The following PDE1C variants were observed in gnomAD, a reference collection of about 807,000 sequenced individuals.
PDE1C encodes dual specificity calcium/calmodulin-dependent 3',5'-cyclic nucleotide phosphodiesterase 1C.
In PDE1C, 62 loss-of-function variants were observed where a neutral mutation model predicts 93.1. The ratio of observed to expected loss-of-function variants is 0.67; its 90% confidence interval spans 0.54 to 0.82. The LOEUF is 0.82. PDE1C is among the 40% of genes least tolerant of loss of function. The pLI, the probability that PDE1C is intolerant of heterozygous loss-of-function variation, is 0.00. For synonymous variants in PDE1C, 325 were observed against 310.1 expected (o/e 1.05, Z -0.50); for missense variants, 742 against 884.6 (o/e 0.84, Z 2.04).
chr7:32,153,670 G>T (rs540536822), intron 3 of PDE1C, among the ~76,000 whole-genome samples: 1 of 152,320 alleles, frequency 6.6e-6, no homozygotes, highest in African/African-American at 2.4e-5. Flanking sequence ...ATGTCAATCA[G>T]AAATCTGAAC....
intron 2 of PDE1C, among the ~76,000 whole-genome samples, chr7:32,183,978 GTGGGCAAAGGATA>G (rs941811536): frequency 6.6e-6 from 1 of 152,152 alleles, no homozygotes; most frequent in African/African-American, 2.4e-5. Context: ...CCATCAAAAA[GTGGGCAAAGGATA>G]TGAACAGACA....
At chr7:32,309,804 T>G (rs1239507800) in intron 1 of PDE1C, among the ~76,000 whole-genome samples, 1 of 152,052 alleles carries the variant, frequency 6.6e-6, no homozygotes, top group African/African-American at 2.4e-5. Flanking sequence ...CATGCCAAAA[T>G]GTAAAGACCA....
At chr7:32,329,254 C>T (rs535715819) in intron 1 of PDE1C, among the ~76,000 whole-genome samples, 2 of 152,020 alleles carry the variant, frequency 1.3e-5, no homozygotes, top group African/African-American at 2.4e-5. Flanking sequence ...GTATCTCTCT[C>T]GGGGAGACCT....
At chr7:31,641,687 T>C in the PDE1C span, among the ~76,000 whole-genome samples, 1 of 152,186 alleles carries the variant, frequency 6.6e-6, no homozygotes, top group African/African-American at 2.4e-5. Context: ...AGAGCAGTGA[T>C]CTAAAACATG....
intron 7 of PDE1C, among the ~76,000 whole-genome samples, chr7:31,857,938 T>C (rs888397266): frequency 1.3e-5 from 2 of 152,130 alleles, no homozygotes; most frequent in African/African-American, 4.8e-5. Flanking sequence ...ATTAAAAATA[T>C]TGCTAACTAA....
chr7:32,203,602 A>G (rs1289534908), intron 2 of PDE1C, among the ~76,000 whole-genome samples: 2 of 149,948 alleles, frequency 1.3e-5, no homozygotes, highest in African/African-American at 5.1e-5. Context: ...CTGGATTCTT[A>G]ATTAATCTCT....
the PDE1C span, chr7:31,692,309 C>G: frequency 1.4e-6 from 1 of 704,544 alleles, no homozygotes; most frequent in Non-Finnish European, 2.4e-6. Context: ...ATTGGGAACA[C>G]AATAGCAGGT....
At chr7:32,298,771 C>G (rs1812790493) in exon 1 of PDE1C, 4 of 1,558,464 alleles carry the variant, frequency 2.6e-6, no homozygotes, top group Non-Finnish European at 2.6e-6. Context: ...CGCAGCGAGA[C>G]CAGCGGCGTC....
At chr7:31,644,544 G>T in the PDE1C span, among the ~76,000 whole-genome samples, 1 of 152,148 alleles carries the variant, frequency 6.6e-6, no homozygotes, top group Non-Finnish European at 1.5e-5. Context: ...TTCAGGTCTT[G>T]AACTTAGAGC....
chr7:31,673,410 T>G, the PDE1C span, among the ~76,000 whole-genome samples: 1 of 152,018 alleles, frequency 6.6e-6, no homozygotes, highest in Non-Finnish European at 1.5e-5. Context: ...CTATTTTCAG[T>G]CTCTTAGAAG....
At chr7:32,027,284 A>G (rs1231554360) in intron 2 of PDE1C, among the ~76,000 whole-genome samples, 1 of 152,048 alleles carries the variant, frequency 6.6e-6, no homozygotes, top group Non-Finnish European at 1.5e-5. Context: ...TTATGGAAAA[A>G]TATCTGTACC....
chr7:31,820,950 C>T (rs950969373), intron 14 of PDE1C: 1 of 150,362 alleles, frequency 6.7e-6, no homozygotes, highest in Non-Finnish European at 1.5e-5. Flanking sequence ...ATTATCATCC[C>T]CAAAGTGAGT....
chr7:32,127,775 C>T (rs184713090), intron 3 of PDE1C, among the ~76,000 whole-genome samples: 3 of 151,880 alleles, frequency 2.0e-5, no homozygotes, highest in Admixed American at 6.6e-5. Flanking sequence ...GACTGTGACA[C>T]TCAATATTGT....
chr7:31,913,560 G>C (rs535338238), intron 2 of PDE1C, among the ~76,000 whole-genome samples: 51 of 152,246 alleles, frequency 3.3e-4, no homozygotes, highest in African/African-American at 1.2e-3. Context: ...TGTGATGATG[G>C]AAAAACTTAG....
the PDE1C span, among the ~76,000 whole-genome samples, chr7:31,693,657 T>C: frequency 6.6e-6 from 1 of 152,158 alleles, no homozygotes; most frequent in Admixed American, 6.5e-5. Flanking sequence ...AGCATAGGCA[T>C]TGAAAAATCA....
chr7:31,994,160 G>A (rs1392530371), intron 2 of PDE1C, among the ~76,000 whole-genome samples: 1 of 152,060 alleles, frequency 6.6e-6, no homozygotes, highest in Non-Finnish European at 1.5e-5. Context: ...CACAATGTGT[G>A]GTAGAAAGGG....
chr7:31,772,162 A>G (rs1408056222), intron 17 of PDE1C, among the ~76,000 whole-genome samples: 1 of 152,092 alleles, frequency 6.6e-6, no homozygotes, highest in Non-Finnish European at 1.5e-5. Context: ...GAGCCTTATA[A>G]TGGCACTTTA....
At chr7:32,236,513 T>C (rs1268546025) in intron 1 of PDE1C, among the ~76,000 whole-genome samples, 1 of 151,684 alleles carries the variant, frequency 6.6e-6, no homozygotes, top group African/African-American at 2.4e-5. Context: ...ACATTTTACA[T>C]AGAAGATACA....
intron 2 of PDE1C, among the ~76,000 whole-genome samples, chr7:31,955,297 A>T (rs1807974115): frequency 6.6e-6 from 1 of 152,162 alleles, no homozygotes; most frequent in South Asian, 2.1e-4. Flanking sequence ...TACTATGCCC[A>T]TTTCATTAAA....
Sources: allele counts gnomAD v4.1 joint callset (sites outside exome capture counted in the v4.1 genomes callset), GRCh38; gene constraint gnomAD v4.1.1; transcripts MANE v1.5; gene names NCBI Gene and HGNC (gene_info 2026-07-23, HGNC 2026-07-21).